PECR: variants seen among roughly 807,000 people sequenced by gnomAD.
The protein encoded by PECR is peroxisomal trans-2-enoyl-CoA reductase, also known as 2,4-dienoyl-CoA reductase-related protein.
A neutral mutation model predicts 35.3 loss-of-function variants in PECR; 30 were observed. The observed-to-expected ratio is 0.85, with a 90% CI of 0.64 to 1.15. The LOEUF (loss-of-function observed/expected upper bound fraction) is 1.15. Among genes scored for constraint, PECR ranks in the 50% most tolerant of loss-of-function variants. The pLI, the probability that PECR is intolerant of heterozygous loss-of-function variation, is 0.00. For synonymous variants in PECR, 148 were observed against 138.9 expected, an observed-to-expected ratio of 1.07 and a Z score of -0.46; for missense variants, 392 against 370.8, an observed-to-expected ratio of 1.06 and a Z score of -0.47.
chr2:216,068,234 A>AC (rs1695508792), intron 1 of PECR, among the ~76,000 whole-genome samples: 1 of 151,374 alleles, frequency 6.6e-6, no homozygotes, highest in African/African-American at 2.4e-5. Context: ...TCAAAAAAAA[A>AC]AAAAAAAAAA....
At chr2:216,041,016 G>A (rs1574674579) in intron 7 of PECR, among the ~76,000 whole-genome samples, 1 of 152,124 alleles carries the variant, frequency 6.6e-6, no homozygotes, top group East Asian at 1.9e-4. Context: ...GCTAATAAGG[G>A]TAGAGCCAAG....
rs369480215 is a variant in PECR at position 216,046,311 on chromosome 2, T to TATATATA, written c.715-2297_715-2296insTATATAT. On this transcript the variant is annotated intron_variant, in intron 6 of 7. Coordinates refer to ENST00000265322, the MANE Select transcript of PECR (RefSeq NM_018441.6). ...ATACATACATATATATATATATATA[T>TATATATA]TTTTTTTTTTTTTTTTTTTGAGAAG... is the stretch of plus-strand genomic sequence containing the variant. Among the ~76,000 whole-genome samples the TATATATA allele has an allele frequency of 8.2e-5, 6 of 73,510 alleles. No homozygotes were observed. The South Asian group carries it at 1.7e-3, about 21-fold the overall frequency. The allele number at this position is 73,510 out of a possible 152,430, so 48.2% of individuals were successfully genotyped here. A position where few individuals can be genotyped will look rare whatever the true frequency, so the allele number is the denominator to read the frequency against.
rs777874454 is a variant in PECR at position 216,081,775 on chromosome 2, G to A, written c.-34C>T. The A allele has an allele frequency of 2.7e-5, 43 of 1,608,600 alleles. No individual in the cohort carries two copies. Among genetic ancestry groups the A allele is most frequent in the Non-Finnish European group, 3.5e-5 (41 of 1,179,180 alleles). Reference sequence around the variant, plus strand: ...CGGGGTGCCAGAGCAGCTGAGCGCAGGCCCTTCTGGGTCTCAGGGACATTC... The same window carrying A: ...CGGGGTGCCAGAGCAGCTGAGCGCAAGCCCTTCTGGGTCTCAGGGACATTC... On this transcript the variant is annotated 5_prime_UTR_variant, in exon 1 of 8. Coordinates refer to ENST00000265322, the MANE Select transcript of PECR (RefSeq NM_018441.6).
downstream of PECR, among the ~76,000 whole-genome samples, chr2:216,036,774 A>G (rs894928774): frequency 3.9e-5 from 6 of 152,152 alleles, no homozygotes; most frequent in South Asian, 2.1e-4. Flanking sequence ...CTGGTACCCA[A>G]TAAGTGTCAT....
At chr2:216,031,550 AGAGG>A (rs1371976375) in intron 7 of PECR, among the ~76,000 whole-genome samples, 9 of 148,416 alleles carry the variant, frequency 6.1e-5, no homozygotes, top group African/African-American at 1.5e-4. Context: ...AAGGAAGGAA[AGAGG>A]GAGGGAGGGA....
chr2:216,059,820 C>T (rs1695299242), intron 3 of PECR, among the ~76,000 whole-genome samples: 1 of 152,156 alleles, frequency 6.6e-6, no homozygotes, highest in African/African-American at 2.4e-5. Flanking sequence ...CAAGAAATAG[C>T]TTTGCAATCA....
intron 6 of PECR, among the ~76,000 whole-genome samples, chr2:216,045,705 G>C (rs1324482257): frequency 6.6e-6 from 1 of 152,212 alleles, no homozygotes; most frequent in Non-Finnish European, 1.5e-5. Flanking sequence ...CAACAGAGCT[G>C]GTTTTAACCC....
intron 1 of PECR, among the ~76,000 whole-genome samples, chr2:216,073,262 G>T (rs1172493261): frequency 6.6e-6 from 1 of 152,176 alleles, no homozygotes; most frequent in African/African-American, 2.4e-5. Flanking sequence ...CTGAAACACA[G>T]TCACACACCC....
chr2:216,060,814 C>A (rs1695324228), intron 3 of PECR, among the ~76,000 whole-genome samples: 1 of 151,586 alleles, frequency 6.6e-6, no homozygotes, highest in Non-Finnish European at 1.5e-5. Flanking sequence ...GAGAAAATGA[C>A]AATAATGGGT....
intron 1 of PECR, among the ~76,000 whole-genome samples, chr2:216,076,072 C>A (rs963831275): frequency 6.6e-6 from 1 of 152,180 alleles, no homozygotes; most frequent in South Asian, 2.1e-4. Flanking sequence ...CAATATCCTG[C>A]TTTTGTGAGC....
rs116760594 is a variant in PECR, at chr2:216,068,953, G to A, written c.125-2435C>T. Among the ~76,000 whole-genome samples, 828 of 151,886 alleles carry A rather than the reference G, an allele frequency of 5.5e-3. 9 individuals carry two copies. The highest frequency in any genetic ancestry group is 0.019 in the African/African-American group (786 of 41,418). On this transcript the variant is annotated intron_variant, in intron 1 of 7. Coordinates refer to ENST00000265322, the MANE Select transcript of PECR (RefSeq NM_018441.6). ...AAAGCAAAAATAATAACAACATATT[G>A]TAAGATTTATAACATATGTAGAAAT...
intron 4 of PECR, among the ~76,000 whole-genome samples, chr2:216,053,488 C>T (rs1232913746): frequency 6.6e-6 from 1 of 152,116 alleles, no homozygotes; most frequent in East Asian, 1.9e-4. Flanking sequence ...TCGTGATCTG[C>T]CTGCCTCGGC....
intron 7 of PECR, among the ~76,000 whole-genome samples, chr2:216,031,691 G>GAAAGAAAGAAAGAAAGAAAGAAAAAGAA (rs1473248845): frequency 1.6e-5 from 1 of 61,102 alleles, no homozygotes; most frequent in Non-Finnish European, 3.3e-5. Flanking sequence ...AAGAAAGAAA[G>GAAAGAAAGAAAGAAAGAAAGAAAAAGAA]AGAAAGAAAG....
intron 4 of PECR, among the ~76,000 whole-genome samples, chr2:216,056,232 C>T (rs914994285): frequency 6.6e-6 from 1 of 152,056 alleles, no homozygotes; most frequent in Admixed American, 6.5e-5. Context: ...CAATTTGTCT[C>T]TTAAGAGAGC....
intron 1 of PECR, among the ~76,000 whole-genome samples, chr2:216,080,657 T>A (rs934501174): frequency 6.6e-6 from 1 of 152,258 alleles, no homozygotes; most frequent in Non-Finnish European, 1.5e-5. Flanking sequence ...ATCAACACTT[T>A]AATTTTTCCC....
intron 3 of PECR, among the ~76,000 whole-genome samples, chr2:216,060,525 G>A (rs1404353087): frequency 3.3e-5 from 5 of 152,092 alleles, no homozygotes; most frequent in Non-Finnish European, 5.9e-5. Flanking sequence ...AGCCTGGCAT[G>A]GTGTCATGTG....
At chr2:216,045,984 A>AT (rs1694980633) in intron 6 of PECR, among the ~76,000 whole-genome samples, 1 of 152,044 alleles carries the variant, frequency 6.6e-6, no homozygotes, top group Non-Finnish European at 1.5e-5. Context: ...TCGAACCAGC[A>AT]TGGCCAGCTT....
chr2:216,037,973 T>C (rs2105939987), downstream of PECR, among the ~76,000 whole-genome samples: 1 of 151,918 alleles, frequency 6.6e-6, no homozygotes, highest in African/African-American at 2.4e-5. Flanking sequence ...TCATCCCAGC[T>C]ACGCAGGAGG....
intron 4 of PECR, among the ~76,000 whole-genome samples, chr2:216,056,450 G>A (rs1695226330): frequency 6.6e-6 from 1 of 152,118 alleles, no homozygotes; most frequent in African/African-American, 2.4e-5. Context: ...GCCGGGTGTG[G>A]TGGCTCATGC....
Sources: gnomAD v4.1 joint callset for allele counts (sites outside exome capture counted in the v4.1 genomes callset) on GRCh38, gnomAD v4.1.1 for gene constraint, MANE v1.5 for transcripts, NCBI Gene and HGNC (gene_info 2026-07-23, HGNC 2026-07-21) for gene names.